The following CELF4 variants were observed in gnomAD, a reference collection of about 807,000 sequenced individuals.
CELF4 encodes the protein CUGBP Elav-like family member 4.
Under a neutral mutation model 59.9 loss-of-function variants are expected in CELF4, and 18 were observed. That is an observed-to-expected ratio of 0.30 (90% CI 0.21 to 0.45). CELF4 has a LOEUF of 0.45. Ranked by LOEUF, CELF4 falls within the 20% of genes least tolerant of loss-of-function variation. CELF4 has a pLI of 1.00. For synonymous variants in CELF4, 261 were observed against 267.1 expected (o/e 0.98, Z 0.22); for missense variants, 456 against 689.0 (o/e 0.66, Z 3.79).
chr18:37,370,382 A>G (rs1382102702), intron 2 of CELF4, among the ~76,000 whole-genome samples: 1 of 152,214 alleles, frequency 6.6e-6, no homozygotes, highest in South Asian at 2.1e-4. Context: ...GAATCATTAC[A>G]CTTAGAAGGG....
chr18:37,348,791 T>C (rs2098362947), intron 2 of CELF4, among the ~76,000 whole-genome samples: 2 of 152,258 alleles, frequency 1.3e-5, no homozygotes, highest in East Asian at 1.9e-4. Context: ...GAGCTTTTAT[T>C]ATCACACACT....
chr18:37,445,320 C>A (rs1472015703), intron 2 of CELF4, among the ~76,000 whole-genome samples: 1 of 151,802 alleles, frequency 6.6e-6, no homozygotes, highest in African/African-American at 2.4e-5. Flanking sequence ...CTCTATTCTC[C>A]CCCAGGGGAG....
At chr18:37,395,432 G>A (rs990503059) in intron 2 of CELF4, among the ~76,000 whole-genome samples, 20 of 152,112 alleles carry the variant, frequency 1.3e-4, no homozygotes, top group Non-Finnish European at 8.8e-5. Context: ...TATCCTCCCC[G>A]TTCCTGCGCC....
At chr18:37,357,736 G>A (rs1056696806) in intron 2 of CELF4, among the ~76,000 whole-genome samples, 2 of 152,242 alleles carry the variant, frequency 1.3e-5, no homozygotes, top group Non-Finnish European at 2.9e-5. Context: ...AGCCACAGGG[G>A]TGGAGCTGCC....
chr18:37,424,109 T>A (rs1258741951), intron 2 of CELF4, among the ~76,000 whole-genome samples: 1 of 152,172 alleles, frequency 6.6e-6, no homozygotes, highest in East Asian at 1.9e-4. Flanking sequence ...TTGAAAATCA[T>A]GGCAATTACT....
intron 3 of CELF4, among the ~76,000 whole-genome samples, chr18:37,278,695 G>A (rs113680498): frequency 8.0e-4 from 122 of 152,298 alleles, no homozygotes; most frequent in African/African-American, 2.8e-3. Flanking sequence ...CCCTTCATTC[G>A]CCCTGCCTTG....
At position 37,541,136 on chromosome 18, in the gene CELF4, G is replaced by A. The variant is rs528398229; in HGVS notation, c.286+24220C>T. ...ACTTTAAATACCATGACATATTGATGCCTCTCAAATTTATACCTCCAGCCC... is the reference window on the plus strand; with the variant it reads ...ACTTTAAATACCATGACATATTGATACCTCTCAAATTTATACCTCCAGCCC... On this transcript the variant is annotated intron_variant, in intron 1 of 12. Transcript: ENST00000420428. Among the ~76,000 whole-genome samples, 3 of 152,116 alleles carry A rather than the reference G, an allele frequency of 2.0e-5. No individual in the cohort carries two copies. In the East Asian group the frequency reaches 5.8e-4, roughly 29 times the overall value.
At chr18:37,425,022 T>A (rs1221507347) in intron 2 of CELF4, among the ~76,000 whole-genome samples, 1 of 152,210 alleles carries the variant, frequency 6.6e-6, no homozygotes, top group Non-Finnish European at 1.5e-5. Flanking sequence ...GGTTCTTAGC[T>A]CTCTGCCCCT....
intron 1 of CELF4, among the ~76,000 whole-genome samples, chr18:37,543,977 G>A (rs1248141036): frequency 6.6e-6 from 1 of 152,052 alleles, no homozygotes; most frequent in African/African-American, 2.4e-5. Context: ...GGTGCGGTCT[G>A]TCCAGAGAAG....
intron 1 of CELF4, chr18:37,485,878 T>G: frequency 3.7e-6 from 1 of 271,240 alleles, no homozygotes; most frequent in East Asian, 5.5e-5. Flanking sequence ...CCCCCTCTCC[T>G]TACGGTTCTC....
intron 1 of CELF4, among the ~76,000 whole-genome samples, chr18:37,527,624 G>A (rs2099965369): frequency 6.6e-6 from 1 of 152,194 alleles, no homozygotes; most frequent in African/African-American, 2.4e-5. Context: ...GTTTCAGTCA[G>A]TGGTGAGAAA....
At chr18:37,418,021 CT>C (rs2099543310) in intron 2 of CELF4, among the ~76,000 whole-genome samples, 1 of 152,242 alleles carries the variant, frequency 6.6e-6, no homozygotes. Flanking sequence ...GGTATGCTTG[CT>C]TTCCTGGAAG....
chr18:37,410,983 G>T (rs1462853279), intron 2 of CELF4, among the ~76,000 whole-genome samples: 2 of 152,140 alleles, frequency 1.3e-5, no homozygotes, highest in Non-Finnish European at 2.9e-5. Flanking sequence ...TTGAGACGAG[G>T]TCTCACTCTG....
chr18:37,327,787 C>T (rs1383075907), intron 2 of CELF4, among the ~76,000 whole-genome samples: 1 of 152,186 alleles, frequency 6.6e-6, no homozygotes, highest in Non-Finnish European at 1.5e-5. Context: ...CCTCTGTGCC[C>T]TCTGCTTCAC....
At chr18:37,407,595 G>GTA (rs142573082) in intron 2 of CELF4, among the ~76,000 whole-genome samples, 1 of 95,548 alleles carries the variant, frequency 1.0e-5, no homozygotes, top group Non-Finnish European at 2.6e-5. Context: ...GGGTATATGT[G>GTA]TATATATATA....
intron 1 of CELF4, among the ~76,000 whole-genome samples, chr18:37,513,895 G>A (rs1420795479): frequency 6.6e-6 from 1 of 151,666 alleles, no homozygotes; most frequent in Non-Finnish European, 1.5e-5. Context: ...TCCTCTGATG[G>A]GTCCATGAGG....
chr18:37,562,768 C>A (rs1356250094), intron 1 of CELF4, among the ~76,000 whole-genome samples: 1 of 152,148 alleles, frequency 6.6e-6, no homozygotes, highest in African/African-American at 2.4e-5. Flanking sequence ...ACTGAATAAA[C>A]CAGACCTCGG....
In CELF4 at chr18:37,361,322, G is replaced by C. The variant is rs146615811; in HGVS notation, c.370-39441C>G. Among the ~76,000 whole-genome samples, 10 of 152,282 alleles carry C rather than the reference G, an allele frequency of 6.6e-5. No homozygotes were observed. The East Asian group carries it at 1.7e-3, about 27-fold the overall frequency. ...AAGTCGCTAAATGGGGTTTTTGGTT[G>C]TGCCTGTGGCTCACCAGCTAACCGT... On this transcript the variant is annotated intron_variant, in intron 2 of 12. Coordinates refer to ENST00000420428, the MANE Select transcript of CELF4 (RefSeq NM_020180.4).
At chr18:37,390,511 G>A (rs2099147650) in intron 2 of CELF4, among the ~76,000 whole-genome samples, 1 of 152,060 alleles carries the variant, frequency 6.6e-6, no homozygotes, top group African/African-American at 2.4e-5. Flanking sequence ...GCTAAGGCAT[G>A]GCCTGTTGAC....
Sources: allele counts gnomAD v4.1 joint callset (sites outside exome capture counted in the v4.1 genomes callset), GRCh38; gene constraint gnomAD v4.1.1; transcripts MANE v1.5; gene names NCBI Gene and HGNC (gene_info 2026-07-23, HGNC 2026-07-21).